ZBTB20: variants seen among roughly 807,000 people sequenced by gnomAD.
ZBTB20 encodes zinc finger and BTB domain-containing protein 20.
A neutral mutation model predicts 56.9 loss-of-function variants in ZBTB20; 9 were observed. That is an observed-to-expected ratio of 0.16 (90% confidence interval 0.10 to 0.28). The LOEUF (loss-of-function observed/expected upper bound fraction) is 0.28. Among genes scored for constraint, ZBTB20 ranks in the 10% least tolerant of loss-of-function variants. The pLI is 1.00. For synonymous variants in ZBTB20, 417 were observed against 420.7 expected, an observed-to-expected ratio of 0.99 and a Z score of 0.11; for missense variants, 655 against 1,003.0, an observed-to-expected ratio of 0.65 and a Z score of 4.69.
At position 114,950,894 on chromosome 3, in the gene ZBTB20, A is replaced by C. The variant is rs534871742; in HGVS notation, c.-456+23472T>G. On this transcript the variant is annotated intron_variant, in intron 3 of 11. Transcript: ENST00000675478. Reference sequence around the variant, plus strand: ...CAAGCACATGTAAATGCAACATAATATAAATGAATCTCAGAAACATAATGT... The same window carrying C: ...CAAGCACATGTAAATGCAACATAATCTAAATGAATCTCAGAAACATAATGT... Among the ~76,000 whole-genome samples, 8 of 152,306 alleles carry C rather than the reference A, an allele frequency of 5.3e-5. No homozygotes were observed. In the South Asian group the frequency reaches 1.7e-3, roughly 32 times the overall value.
At chr3:114,517,825 C>G (rs574394987) in intron 6 of ZBTB20, among the ~76,000 whole-genome samples, 1 of 152,008 alleles carries the variant, frequency 6.6e-6, no homozygotes. Context: ...CCACCCGCCT[C>G]GGCCTCCCAA....
intron 6 of ZBTB20, among the ~76,000 whole-genome samples, chr3:114,655,819 G>A (rs1182162679): frequency 6.6e-6 from 1 of 152,072 alleles, no homozygotes; most frequent in Non-Finnish European, 1.5e-5. Context: ...ATAGACTCAT[G>A]AGAAAATACT....
chr3:114,653,635 A>G (rs897744796), intron 6 of ZBTB20, among the ~76,000 whole-genome samples: 1 of 151,952 alleles, frequency 6.6e-6, no homozygotes, highest in African/African-American at 2.4e-5. Context: ...CCTGTCTCAT[A>G]AATCAGGAAG....
intron 4 of ZBTB20, among the ~76,000 whole-genome samples, chr3:114,886,500 C>T (rs776876985): frequency 8.5e-5 from 13 of 152,092 alleles, no homozygotes; most frequent in South Asian, 2.1e-4. Flanking sequence ...GAGATCATTA[C>T]GAAAAACATT....
chr3:114,516,420 A>G (rs2045997917), intron 6 of ZBTB20, among the ~76,000 whole-genome samples: 1 of 152,234 alleles, frequency 6.6e-6, no homozygotes, highest in South Asian at 2.1e-4. Context: ...ATATTACCAC[A>G]TCAATTTCCA....
intron 7 of ZBTB20, among the ~76,000 whole-genome samples, chr3:114,407,277 T>C (rs1191597418): frequency 2.0e-5 from 3 of 152,212 alleles, no homozygotes; most frequent in Non-Finnish European, 4.4e-5. Context: ...TTTGGACACT[T>C]GAAGGTCTTC....
chr3:114,490,080 G>C (rs1180952032), intron 7 of ZBTB20, among the ~76,000 whole-genome samples: 2 of 151,802 alleles, frequency 1.3e-5, no homozygotes, highest in African/African-American at 4.8e-5. Context: ...TTTGGAGGCT[G>C]ATGGTGTAGA....
intron 6 of ZBTB20, among the ~76,000 whole-genome samples, chr3:114,652,959 C>A (rs188736081): frequency 2.0e-5 from 3 of 151,924 alleles, no homozygotes; most frequent in Non-Finnish European, 4.4e-5. Context: ...GCCGGTACTA[C>A]ATAAATGCAA....
intron 2 of ZBTB20, among the ~76,000 whole-genome samples, chr3:115,001,775 A>G (rs2079261945): frequency 6.6e-6 from 1 of 151,478 alleles, no homozygotes; most frequent in Non-Finnish European, 1.5e-5. Flanking sequence ...GAGATATTCC[A>G]TGTTCATGGA....
intron 6 of ZBTB20, among the ~76,000 whole-genome samples, chr3:114,528,274 G>C (rs1250626217): frequency 6.6e-6 from 1 of 151,998 alleles, no homozygotes; most frequent in African/African-American, 2.4e-5. Flanking sequence ...CTCAATTATA[G>C]CCATGCAACT....
Position 114,337,966 on chromosome 3 carries a change from T to C in ZBTB20, c.*1039A>G, listed in dbSNP as rs1398769876. 1 of 152,002 alleles carries C rather than the reference T, an allele frequency of 6.6e-6. No homozygotes were observed. Among genetic ancestry groups the C allele is most frequent in the Non-Finnish European group, 1.5e-5 (1 of 68,008 alleles). 9.4% of individuals were successfully genotyped at this position (152,002 alleles called of 1,614,324 possible). On this transcript the variant is annotated 3_prime_UTR_variant, in exon 12 of 12. Coordinates refer to ENST00000675478, the MANE Select transcript of ZBTB20 (RefSeq NM_001348800.3). ...AAATATATTAAAAAAATCAGCATTC[T>C]ATCTGGTAAACGTCACTTTTGCCCC...
intron 3 of ZBTB20, among the ~76,000 whole-genome samples, chr3:114,914,426 A>G (rs1313410176): frequency 1.3e-5 from 2 of 152,040 alleles, no homozygotes; most frequent in African/African-American, 4.8e-5. Flanking sequence ...TTGACTTTGT[A>G]TCCTGCAAAT....
Position 114,332,600 on chromosome 3 carries a change from G to C in ZBTB20, c.*6405C>G, listed in dbSNP as rs953921526. ...CACTATTTCCATAGTCCTCAATCAT[G>C]AATAGGGCTTGTTTTTGTGATAATG... is the stretch of plus-strand genomic sequence containing the variant. On this transcript the variant is annotated 3_prime_UTR_variant, in exon 12 of 12. Coordinates refer to ENST00000675478, the MANE Select transcript of ZBTB20 (RefSeq NM_001348800.3). The C allele has an allele frequency of 3.9e-5, 6 of 152,182 alleles. No individual in the cohort carries two copies. The highest frequency in any genetic ancestry group is 1.4e-4 in the African/African-American group (6 of 41,452). The allele number at this position is 152,182 out of a possible 1,614,324, so 9.4% of individuals were successfully genotyped here.
At position 114,336,047 on chromosome 3, in the gene ZBTB20, C is replaced by T. The variant is rs939905445; in HGVS notation, c.*2958G>A. The T allele has an allele frequency of 3.3e-5, 5 of 152,164 alleles. No individual in the cohort carries two copies. The highest frequency in any genetic ancestry group is 4.1e-4 in the South Asian group (2 of 4,828). 9.4% of individuals were successfully genotyped at this position (152,164 alleles called of 1,614,324 possible). A position where few individuals can be genotyped will look rare whatever the true frequency, so the allele number is the denominator to read the frequency against. On this transcript the variant is annotated 3_prime_UTR_variant, in exon 12 of 12. Coordinates refer to ENST00000675478, the MANE Select transcript of ZBTB20 (RefSeq NM_001348800.3). Reference sequence around the variant, plus strand: ...TGGCACCTAAGATCAACTTTTCAGGCGGTATTAGTGAAAATTCTTCCTACT... The same window carrying T: ...TGGCACCTAAGATCAACTTTTCAGGTGGTATTAGTGAAAATTCTTCCTACT...
At chr3:114,756,298 C>A (rs796490582) in intron 5 of ZBTB20, among the ~76,000 whole-genome samples, 2 of 152,118 alleles carry the variant, frequency 1.3e-5, no homozygotes, top group Admixed American at 6.5e-5. Flanking sequence ...CACTTGACTG[C>A]AGCACTTCCA....
At position 114,331,462 on chromosome 3, in the gene ZBTB20, T is replaced by C. The variant is rs933521115; in HGVS notation, c.*7543A>G. On this transcript the variant is annotated 3_prime_UTR_variant, in exon 12 of 12. Transcript: ENST00000675478. Reference sequence around the variant, plus strand: ...TGCTTCCTGGGAAGGGAGCCACAAGTCTTAAACACAATGGTGGGAAGAGGC... The same window carrying C: ...TGCTTCCTGGGAAGGGAGCCACAAGCCTTAAACACAATGGTGGGAAGAGGC... 6.6e-6 allele frequency: 1 copy of C among 152,080 alleles called. No individual in the cohort carries two copies. The highest frequency in any genetic ancestry group is 2.4e-5 in the African/African-American group (1 of 41,388). 9.4% of individuals were successfully genotyped at this position (152,080 alleles called of 1,614,324 possible).
intron 2 of ZBTB20, among the ~76,000 whole-genome samples, chr3:115,037,042 C>A (rs1319191205): frequency 5.9e-5 from 9 of 152,094 alleles, no homozygotes; most frequent in Non-Finnish European, 1.5e-5. Flanking sequence ...AAATGGACAA[C>A]AGAGAAATCT....
At chr3:114,563,138 G>C (rs140707485) in intron 6 of ZBTB20, among the ~76,000 whole-genome samples, 139 of 152,176 alleles carry the variant, frequency 9.1e-4, no homozygotes, top group African/African-American at 3.1e-3. Flanking sequence ...AATAGAAAGA[G>C]GTATGCTTCT....
chr3:114,506,719 T>A (rs779256939), intron 6 of ZBTB20, among the ~76,000 whole-genome samples: 3 of 152,190 alleles, frequency 2.0e-5, no homozygotes, highest in Non-Finnish European at 4.4e-5. Context: ...GGCACTGCTA[T>A]CATGTGGTCT....
Sources: gnomAD v4.1 joint callset for allele counts (sites outside exome capture counted in the v4.1 genomes callset) on GRCh38, gnomAD v4.1.1 for gene constraint, MANE v1.5 for transcripts, NCBI Gene and HGNC (gene_info 2026-07-23, HGNC 2026-07-21) for gene names.